Variants in FGGY observed in about 807,000 individuals in gnomAD.
FGGY encodes FGGY carbohydrate kinase domain-containing protein.
FGGY carries 72 observed loss-of-function variants against 71.3 expected under a neutral mutation model. The observed-to-expected ratio is 1.01, with a 90% CI of 0.84 to 1.23. The LOEUF is 1.23. Among genes scored for constraint, FGGY ranks in the 50% most tolerant of loss-of-function variants. FGGY has a pLI of 0.00. For missense variants in FGGY, 668 were observed against 682.3 expected (o/e 0.98, Z 0.23); for synonymous variants, 251 against 250.3 (o/e 1.00, Z -0.02).
chr1:59,733,453 T>C (rs537700897), intron 14 of FGGY, among the ~76,000 whole-genome samples: 2 of 118,810 alleles, frequency 1.7e-5, no homozygotes, highest in South Asian at 2.9e-4. Context: ...TTTGTTTTGT[T>C]TTGTTTTGTT....
intron 7 of FGGY, among the ~76,000 whole-genome samples, chr1:59,523,472 C>A (rs1386808653): frequency 6.6e-6 from 1 of 152,190 alleles, no homozygotes; most frequent in Admixed American, 6.5e-5. Context: ...TTTCAGTTTT[C>A]TCTTAGCTGT....
At chr1:59,345,709 C>G (rs2051715329) in intron 3 of FGGY, among the ~76,000 whole-genome samples, 1 of 143,936 alleles carries the variant, frequency 6.9e-6, no homozygotes, top group Non-Finnish European at 1.5e-5. Flanking sequence ...ACAAGCCAAC[C>G]AAATGAGGAA....
In FGGY at chr1:59,589,261, A is replaced by G. The variant is rs527946588; in HGVS notation, c.904-18542A>G. On this transcript the variant is annotated intron_variant, in intron 8 of 15. Transcript: ENST00000303721. ...ACCATCCTAAATATATATGCACCCA[A>G]TACAGGAGCACGCAGTTTCATAATG... Among the ~76,000 whole-genome samples, 6 of 152,346 alleles carry G rather than the reference A, an allele frequency of 3.9e-5. No homozygotes were observed. The East Asian group carries it at 1.2e-3, about 29-fold the overall frequency.
chr1:59,451,814 T>A (rs750251239), intron 5 of FGGY, among the ~76,000 whole-genome samples: 31 of 152,178 alleles, frequency 2.0e-4, no homozygotes, highest in Non-Finnish European at 3.5e-4. Context: ...TAATAGTTTG[T>A]ACATTATTCT....
chr1:59,440,270 A>G (rs2069501914), intron 5 of FGGY, among the ~76,000 whole-genome samples: 2 of 152,140 alleles, frequency 1.3e-5, no homozygotes, highest in African/African-American at 2.4e-5. Context: ...GTGCACTTTT[A>G]TCTTTTCATA....
At chr1:59,438,312 A>G (rs1193408727) in intron 5 of FGGY, among the ~76,000 whole-genome samples, 1 of 152,246 alleles carries the variant, frequency 6.6e-6, no homozygotes, top group Non-Finnish European at 1.5e-5. Context: ...ATCTTAAAAT[A>G]TTCTGGCTGC....
chr1:59,553,680 G>A (rs553960239), intron 7 of FGGY, among the ~76,000 whole-genome samples: 100 of 152,258 alleles, frequency 6.6e-4, no homozygotes, highest in African/African-American at 2.4e-3. Flanking sequence ...ATTTGGCTCC[G>A]CTCCTTCTTA....
chr1:59,391,869 A>G (rs766281158), intron 5 of FGGY, among the ~76,000 whole-genome samples: 1 of 152,072 alleles, frequency 6.6e-6, no homozygotes, highest in Non-Finnish European at 1.5e-5. Context: ...ATAAAGTAGA[A>G]CTCTCTCTGA....
intron 11 of FGGY, among the ~76,000 whole-genome samples, chr1:59,658,974 C>G (rs1651593078): frequency 6.6e-6 from 1 of 152,156 alleles, no homozygotes. Context: ...GTAATCCCAG[C>G]ACTTTGGGAA....
At chr1:59,348,053 C>G (rs2052467929) in intron 4 of FGGY, among the ~76,000 whole-genome samples, 1 of 152,120 alleles carries the variant, frequency 6.6e-6, no homozygotes, top group South Asian at 2.1e-4. Context: ...TTGCAATCTA[C>G]TCATCTGACA....
chr1:59,461,224 A>C (rs892237318), intron 6 of FGGY, among the ~76,000 whole-genome samples: 3 of 152,220 alleles, frequency 2.0e-5, no homozygotes, highest in African/African-American at 7.2e-5. Flanking sequence ...AGAAGACCTT[A>C]AATGACCTGA....
intron 6 of FGGY, among the ~76,000 whole-genome samples, chr1:59,471,233 C>T (rs2092925671): frequency 6.6e-6 from 1 of 152,206 alleles, no homozygotes; most frequent in Admixed American, 6.5e-5. Context: ...AAATGTTTGG[C>T]ATTTTCCCTG....
At chr1:59,511,171 T>C (rs550822568) in intron 6 of FGGY, among the ~76,000 whole-genome samples, 105 of 152,232 alleles carry the variant, frequency 6.9e-4, no homozygotes, top group African/African-American at 2.5e-3. Context: ...AAAAATGGTG[T>C]CGTCAAAGTG....
intron 14 of FGGY, among the ~76,000 whole-genome samples, chr1:59,753,028 G>T (rs761941968): frequency 1.3e-5 from 2 of 152,102 alleles, no homozygotes; most frequent in Non-Finnish European, 1.5e-5. Flanking sequence ...GTGGGCAAAA[G>T]GAAAAAGAAA....
intron 7 of FGGY, 72 bp from the exon 8 acceptor site, chr1:59,554,052 C>A: frequency 8.3e-7 from 1 of 1,211,706 alleles, no homozygotes; most frequent in Non-Finnish European, 1.2e-6. Flanking sequence ...TTTGTTAATG[C>A]TTGTTTTTAG....
At chr1:59,551,968 A>T (rs1240076135) in intron 7 of FGGY, among the ~76,000 whole-genome samples, 1 of 152,222 alleles carries the variant, frequency 6.6e-6, no homozygotes, top group Non-Finnish European at 1.5e-5. Context: ...TTAAAAAACC[A>T]GTAACTTAAT....
intron 14 of FGGY, among the ~76,000 whole-genome samples, chr1:59,686,544 TATTTTCCCTGAAA>T (rs1391978817): frequency 7.2e-4 from 110 of 152,278 alleles, no homozygotes; most frequent in African/African-American, 2.6e-3. Flanking sequence ...CCCTATGAAA[TATTTTCCCTGAAA>T]GATGGTCTGC....
intron 7 of FGGY, among the ~76,000 whole-genome samples, chr1:59,529,644 G>A (rs963947827): frequency 2.6e-5 from 4 of 152,228 alleles, no homozygotes; most frequent in African/African-American, 9.6e-5. Flanking sequence ...GAGATAGATT[G>A]GGAGTCTGTC....
chr1:59,752,512 A>T (rs2098254315), intron 14 of FGGY, among the ~76,000 whole-genome samples: 1 of 152,212 alleles, frequency 6.6e-6, no homozygotes, highest in African/African-American at 2.4e-5. Context: ...TCCTCAGGGT[A>T]GGGGAGAAGG....
Sources: gnomAD v4.1 joint callset for allele counts (sites outside exome capture counted in the v4.1 genomes callset) on GRCh38, gnomAD v4.1.1 for gene constraint, MANE v1.5 for transcripts, NCBI Gene and HGNC (gene_info 2026-07-23, HGNC 2026-07-21) for gene names.